The following SGPL1 variants were observed in gnomAD, a reference collection of about 807,000 sequenced individuals.
SGPL1 encodes SP-lyase 1.
Under a neutral mutation model 68.9 loss-of-function variants are expected in SGPL1, and 37 were observed. The ratio of observed to expected loss-of-function variants is 0.54; its 90% CI spans 0.41 to 0.71. The LOEUF (loss-of-function observed/expected upper bound fraction) is 0.71, where lower values mean the gene tolerates loss of function less well. SGPL1 is among the 30% of genes least tolerant of loss of function. The probability of loss-of-function intolerance (pLI) is 0.00; values close to 1 mark genes in which losing one functional copy is unlikely to be tolerated. For missense variants in SGPL1, 551 were observed against 704.6 expected, an observed-to-expected ratio of 0.78 and a Z score of 2.47; for synonymous variants, 236 against 248.5, an observed-to-expected ratio of 0.95 and a Z score of 0.47.
chr10:70,822,966 A>G (rs1447655713), intron 2 of SGPL1, among the ~76,000 whole-genome samples: 1 of 151,694 alleles, frequency 6.6e-6, no homozygotes, highest in Non-Finnish European at 1.5e-5. Context: ...TTCTAATTTT[A>G]TACATTTTTC....
chr10:70,873,788 T>G (rs1174290914), intron 12 of SGPL1, among the ~76,000 whole-genome samples, 199 bp downstream of exon 12: 1 of 152,242 alleles, frequency 6.6e-6, no homozygotes, highest in Non-Finnish European at 1.5e-5. Flanking sequence ...GCCCTGACTT[T>G]TGGAGGGTCT....
rs547558740 is a variant in SGPL1 at position 70,856,538 on chromosome 10, C to A, written c.410-1076C>A. On this transcript the variant is annotated intron_variant, in intron 5 of 14. Coordinates refer to ENST00000373202, the MANE Select transcript of SGPL1 (RefSeq NM_003901.4). ...ATCAGTAAAAGAACAGGAAATGAAA[C>A]CAGTTATCTTATTTTTGAAAGGCTG... 8.5e-5 allele frequency among the ~76,000 whole-genome samples: 13 copies of A among 152,268 alleles called. No homozygotes were observed. The East Asian group carries it at 2.1e-3, about 25-fold the overall frequency.
Position 70,880,372 on chromosome 10 carries a change from A to T in SGPL1, c.*3037A>T, listed in dbSNP as rs974703653. On this transcript the variant is annotated 3_prime_UTR_variant, in exon 15 of 15. Transcript: ENST00000373202. ...CCTATTTCAGAGAGGTCTGAAATTC[A>T]GGTTCTTAGTTTGCCAGGGACAGGC... 1 of 152,226 alleles carries T rather than the reference A, an allele frequency of 6.6e-6. No individual in the cohort carries two copies. The highest frequency in any genetic ancestry group is 1.5e-5 in the Non-Finnish European group (1 of 68,046). 9.4% of individuals were successfully genotyped at this position (152,226 alleles called of 1,614,324 possible).
chr10:70,841,320 AT>A (rs1232738908), intron 2 of SGPL1, among the ~76,000 whole-genome samples: 1 of 152,160 alleles, frequency 6.6e-6, no homozygotes, highest in East Asian at 1.9e-4. Flanking sequence ...TACTAAGAGT[AT>A]TGTCTGAGTC....
chr10:70,866,680 G>A (rs958275303), intron 7 of SGPL1: 1 of 152,190 alleles, frequency 6.6e-6, no homozygotes, highest in African/African-American at 2.4e-5. Context: ...AGGACATGCT[G>A]CTGATTTGCA....
Position 70,877,394 on chromosome 10 carries a change from G to C in SGPL1, c.*59G>C. The stretch of plus-strand genomic sequence containing the variant: ...GCCTTCAGAAGGTTCTTGGGATATG[G>C]AACAGGCCGTGCACAACTTTGACAT... On this transcript the variant is annotated 3_prime_UTR_variant, in exon 15 of 15. Coordinates refer to ENST00000373202, the MANE Select transcript of SGPL1 (RefSeq NM_003901.4). 1 of 1,569,712 alleles carries C rather than the reference G, an allele frequency of 6.4e-7. No individual in the cohort carries two copies. Among genetic ancestry groups the C allele is most frequent in the South Asian group, 1.1e-5 (1 of 89,736 alleles).
At chr10:70,868,806 C>T (rs1343856085) in intron 8 of SGPL1, among the ~76,000 whole-genome samples, 1 of 152,074 alleles carries the variant, frequency 6.6e-6, no homozygotes, top group Non-Finnish European at 1.5e-5. Context: ...TTCTGCTTAC[C>T]TTAGAAAGTT....
intron 2 of SGPL1, among the ~76,000 whole-genome samples, chr10:70,819,386 T>G (rs777331379): frequency 6.6e-6 from 1 of 152,198 alleles, no homozygotes; most frequent in African/African-American, 2.4e-5. Context: ...ATTCATTCCT[T>G]GACTGTAATG....
At chr10:70,850,645 C>T (rs1845863969) in intron 3 of SGPL1, among the ~76,000 whole-genome samples, 1 of 152,030 alleles carries the variant, frequency 6.6e-6, no homozygotes, top group Non-Finnish European at 1.5e-5. Flanking sequence ...CCTATATATC[C>T]ATCATTAAGG....
chr10:70,859,449 G>T lies in SGPL1; in HGVS notation c.565G>T (p.Val189Leu), dbSNP rs1184477603. 1 of 1,571,038 alleles carries T rather than the reference G, an allele frequency of 6.4e-7. No individual in the cohort carries two copies. Among genetic ancestry groups the T allele is most frequent in the South Asian group, 1.2e-5 (1 of 84,130 alleles). ...PGLRKIEAEI[V>L]RIACSLFNGG... ...ACTACGCAAGATAGAGGCAGAAATCGTGAGGATAGCTTGTTCCCTGTTCAA... is the reference window on the plus strand; with the variant it reads ...ACTACGCAAGATAGAGGCAGAAATCTTGAGGATAGCTTGTTCCCTGTTCAA... The change falls in exon 7 of 15, where the codon GTG becomes TTG. Residue 189 changes from valine (V) to leucine (L), a missense_variant. Transcript: ENST00000373202.
At chr10:70,861,672 G>C (rs1381108087) in intron 7 of SGPL1, among the ~76,000 whole-genome samples, 1 of 152,222 alleles carries the variant, frequency 6.6e-6, no homozygotes, top group African/African-American at 2.4e-5. Context: ...CCAGGGCTGC[G>C]CGCAGCGCTT....
intron 8 of SGPL1, among the ~76,000 whole-genome samples, chr10:70,868,987 A>G (rs376705639): frequency 6.6e-6 from 1 of 152,328 alleles, no homozygotes; most frequent in Admixed American, 6.5e-5. Context: ...CCCCTTGTAC[A>G]GTATGTTTAT....
chr10:70,865,070 A>G (rs1225822856), intron 7 of SGPL1, among the ~76,000 whole-genome samples: 1 of 152,284 alleles, frequency 6.6e-6, no homozygotes, highest in Non-Finnish European at 1.5e-5. Flanking sequence ...GAAGAAAATA[A>G]GGAAACCCCC....
intron 3 of SGPL1, among the ~76,000 whole-genome samples, chr10:70,845,018 G>A (rs1020865194): frequency 6.6e-6 from 1 of 152,142 alleles, no homozygotes; most frequent in African/African-American, 2.4e-5. Context: ...GATTACAAGC[G>A]TGAGCCACCG....
intron 4 of SGPL1, among the ~76,000 whole-genome samples, 195 bp downstream of exon 4, chr10:70,851,405 G>A (rs1004034365): frequency 4.0e-5 from 6 of 151,202 alleles, no homozygotes; most frequent in African/African-American, 1.5e-4. Flanking sequence ...GTAATGGATC[G>A]TGTCCAGAAA....
intron 3 of SGPL1, 30 bp from the exon 4 acceptor site, chr10:70,851,113 T>C: frequency 6.3e-7 from 1 of 1,579,152 alleles, no homozygotes; most frequent in Non-Finnish European, 8.7e-7. Context: ...GGAAATTTAT[T>C]TGAATAAGAG....
intron 7 of SGPL1, among the ~76,000 whole-genome samples, chr10:70,867,905 T>C (rs1293970207): frequency 1.3e-5 from 2 of 152,258 alleles, no homozygotes; most frequent in African/African-American, 4.8e-5. Context: ...CTTTGTTAAA[T>C]CTGAATGTCT....
At chr10:70,826,259 C>T (rs543896182) in intron 2 of SGPL1, among the ~76,000 whole-genome samples, 3 of 152,158 alleles carry the variant, frequency 2.0e-5, no homozygotes. Context: ...CAGTACAATA[C>T]AATACAATGC....
At position 70,826,435 on chromosome 10, in the gene SGPL1, G is replaced by T. The variant is rs375682713; in HGVS notation, c.27+9555G>T. Among the ~76,000 whole-genome samples, 9 of 152,300 alleles carry T rather than the reference G, an allele frequency of 5.9e-5. No individual in the cohort carries two copies. In the South Asian group the frequency reaches 1.0e-3, roughly 18 times the overall value. On this transcript the variant is annotated intron_variant, in intron 2 of 14. Coordinates refer to ENST00000373202, the MANE Select transcript of SGPL1 (RefSeq NM_003901.4). ...AGCTGCCTGGGGTTCTACCTGTCAG[G>T]TTCATGTTTCATTCATGAAGAGGAA...
Sources: gnomAD v4.1 joint callset for allele counts (sites outside exome capture counted in the v4.1 genomes callset) on GRCh38, gnomAD v4.1.1 for gene constraint, MANE v1.5 for transcripts, NCBI Gene and HGNC (gene_info 2026-07-23, HGNC 2026-07-21) for gene names.